SMC6: variants seen among roughly 807,000 people sequenced by gnomAD.
SMC6 encodes structural maintenance of chromosomes protein 6.
SMC6 carries 79 observed loss-of-function variants against 142.2 expected under a neutral mutation model. That is an observed-to-expected ratio of 0.56 (90% CI 0.46 to 0.67). The LOEUF is 0.67. Ranked by LOEUF, SMC6 falls within the 30% of genes least tolerant of loss-of-function variation. SMC6 has a pLI of 0.00. For missense variants in SMC6, 1,072 were observed against 1,284.0 expected (o/e 0.83, Z 2.52); for synonymous variants, 411 against 412.4 (o/e 1.00, Z 0.04).
chr2:17,698,667 T>C lies in SMC6; in HGVS notation c.2394+1541A>G, dbSNP rs116183355. Among the ~76,000 whole-genome samples the C allele has an allele frequency of 7.2e-3, 1,093 of 152,230 alleles. 10 individuals are homozygous for C. Among genetic ancestry groups the C allele is most frequent in the South Asian group, 0.025 (121 of 4,826 alleles). On this transcript the variant is annotated intron_variant, in intron 21 of 27. Coordinates refer to ENST00000448223, the MANE Select transcript of SMC6 (RefSeq NM_001142286.2). The stretch of plus-strand genomic sequence containing the variant: ...CATATAGTCATGTTTTAATCTACTC[T>C]GTCCATATCTGTCTTTTGTTTATTT...
At chr2:17,738,090 A>G (rs1433389880) in intron 5 of SMC6, 131 bp downstream of exon 5, 2 of 629,198 alleles carry the variant, frequency 3.2e-6, no homozygotes, top group Non-Finnish European at 5.4e-6. Context: ...AAGGAATGAA[A>G]AAATAGGACA....
intron 26 of SMC6, among the ~76,000 whole-genome samples, chr2:17,667,454 A>G (rs1666550704): frequency 6.6e-6 from 1 of 152,252 alleles, no homozygotes; most frequent in African/African-American, 2.4e-5. Flanking sequence ...TGAGTTAAGT[A>G]ACAGTAAAAG....
In SMC6 at chr2:17,703,147, A is replaced by ATTTTT. The variant is rs750722877; in HGVS notation, c.2142+5_2142+9dup. ...AAACAAAAGAAGGTTTATTATTATTATTTTTTTACCTTTAGTTCTTTATAA... is the reference window on the plus strand; with the variant it reads ...AAACAAAAGAAGGTTTATTATTATTATTTTTTTTTTTTACCTTTAGTTCTTTATAA... On this transcript the variant is annotated intron_variant, in intron 19 of 27. Coordinates refer to ENST00000448223, the MANE Select transcript of SMC6 (RefSeq NM_001142286.2). 1 of 1,335,472 alleles carries ATTTTT rather than the reference A, an allele frequency of 7.5e-7. No individual in the cohort carries two copies. The highest frequency in any genetic ancestry group is 1.0e-6 in the Non-Finnish European group (1 of 972,490). The allele number at this position is 1,335,472 out of a possible 1,614,324, so 82.7% of individuals were successfully genotyped here.
chr2:17,741,747 T>C lies in SMC6; in HGVS notation c.121-18A>G, dbSNP rs1670481762. ...GCTGCAGTCTATTAATAAAAAACAATGGGAGAAAATGGTCAATCTAATTCA... is the reference window on the plus strand; with the variant it reads ...GCTGCAGTCTATTAATAAAAAACAACGGGAGAAAATGGTCAATCTAATTCA... On this transcript the variant is annotated intron_variant, in intron 3 of 27. Coordinates refer to ENST00000448223, the MANE Select transcript of SMC6 (RefSeq NM_001142286.2). 4.0e-6 allele frequency: 6 copies of C among 1,500,212 alleles called. No individual in the cohort carries two copies. The African/African-American group carries it at 4.1e-5, about 10-fold the overall frequency. The allele number at this position is 1,500,212 out of a possible 1,614,324, so 92.9% of individuals were successfully genotyped here.
At position 17,710,943 on chromosome 2, in the gene SMC6, C is replaced by T. The variant is rs565952565; in HGVS notation, c.1731-2190G>A. 1.1e-4 allele frequency among the ~76,000 whole-genome samples: 16 copies of T among 152,022 alleles called. 1 individual carries two copies. Among genetic ancestry groups the T allele is most frequent in the Admixed American group, 3.9e-4 (6 of 15,272 alleles). On this transcript the variant is annotated intron_variant, in intron 16 of 27. Coordinates refer to ENST00000448223, the MANE Select transcript of SMC6 (RefSeq NM_001142286.2). ...GGACAGAGTTCAGGTGGAAAAAAAA[C>T]AAGGATAAGAAAGAATAGGGTATGG... is the stretch of plus-strand genomic sequence containing the variant.
chr2:17,706,603 G>T (rs1668523822), intron 18 of SMC6, among the ~76,000 whole-genome samples: 1 of 151,696 alleles, frequency 6.6e-6, no homozygotes, highest in Non-Finnish European at 1.5e-5. Context: ...CATTAATTCA[G>T]GCCCAAACCA....
intron 2 of SMC6, chr2:17,746,412 A>G (rs1355429336): frequency 1.3e-5 from 2 of 152,388 alleles, no homozygotes; most frequent in African/African-American, 4.8e-5. Context: ...TGTGGTTTCT[A>G]GTTTTCTAAA....
intron 23 of SMC6, among the ~76,000 whole-genome samples, chr2:17,687,146 T>C (rs771412073): frequency 3.3e-5 from 5 of 152,154 alleles, no homozygotes; most frequent in Non-Finnish European, 5.9e-5. Context: ...TTTGAAAATA[T>C]CTAACAAAAC....
chr2:17,678,500 G>A (rs993203628), intron 25 of SMC6, among the ~76,000 whole-genome samples: 1 of 151,970 alleles, frequency 6.6e-6, no homozygotes, highest in South Asian at 2.1e-4. Context: ...GGGCATGGTG[G>A]CTCACACCGA....
In SMC6 at chr2:17,701,839, A is replaced by G; in HGVS notation, c.2213T>C (p.Ile738Thr). The change falls in exon 20 of 28, where the codon ATT (isoleucine) becomes ACT (threonine). Residue 738 changes from isoleucine (I) to threonine (T), a missense_variant. By Grantham distance (89) the Ile-to-Thr change is moderately conservative (BLOSUM62 -1). Around this residue, in one of 3 missense-constraint regions of SMC6, gnomAD observed 994 missense variants for 1,153.2 expected, o/e 0.86. Coordinates refer to ENST00000448223, the MANE Select transcript of SMC6 (RefSeq NM_001142286.2). ...AAAAAAGTATTTTACCAAAGTTGCA[A>G]TATCTACAGACTGGTGTTCTTCTAT... ...ENIEEHQSVD[I>T]ATLEDEAQEN... 6.4e-7 allele frequency: 1 copy of G among 1,561,674 alleles called. No individual in the cohort carries two copies. The highest frequency in any genetic ancestry group is 8.7e-7 in the Non-Finnish European group (1 of 1,151,360).
chr2:17,735,616 AG>A (rs1233093915), intron 5 of SMC6, among the ~76,000 whole-genome samples: 2 of 152,188 alleles, frequency 1.3e-5, no homozygotes, highest in African/African-American at 4.8e-5. Flanking sequence ...AGGCCAAGGG[AG>A]GGAACAGTAA....
At chr2:17,736,361 T>A (rs1417982894) in intron 5 of SMC6, among the ~76,000 whole-genome samples, 1 of 152,220 alleles carries the variant, frequency 6.6e-6, no homozygotes, top group Non-Finnish European at 1.5e-5. Context: ...AGCTAGTCTT[T>A]TTTTATTAAA....
intron 23 of SMC6, among the ~76,000 whole-genome samples, chr2:17,688,610 G>T (rs746411272): frequency 3.9e-5 from 6 of 152,088 alleles, no homozygotes; most frequent in South Asian, 2.1e-4. Context: ...AATGACTATA[G>T]TCCATTGAGT....
chr2:17,726,515 T>C (rs1380164848), intron 7 of SMC6, 46 bp from the exon 8 acceptor site: 1 of 1,520,984 alleles, frequency 6.6e-7, no homozygotes, highest in Admixed American at 1.8e-5. Flanking sequence ...CTTTAATGCT[T>C]TAAAGATAGG....
intron 2 of SMC6, among the ~76,000 whole-genome samples, chr2:17,751,274 C>A (rs1483875040): frequency 1.3e-5 from 2 of 151,444 alleles, no homozygotes; most frequent in South Asian, 4.2e-4. Flanking sequence ...TGAGGTAAGG[C>A]GCTCAAGACC....
At chr2:17,667,781 C>T (rs1007865100) in intron 26 of SMC6, among the ~76,000 whole-genome samples, 6 of 152,080 alleles carry the variant, frequency 3.9e-5, no homozygotes, top group Non-Finnish European at 5.9e-5. Flanking sequence ...ATCCAGGAGG[C>T]GGAGGTCGCA....
chr2:17,741,217 T>C (rs1036784428), intron 4 of SMC6, among the ~76,000 whole-genome samples: 1 of 152,182 alleles, frequency 6.6e-6, no homozygotes, highest in African/African-American at 2.4e-5. Context: ...TCTTAAAGCA[T>C]TTATTGGCCA....
At chr2:17,676,810 T>A (rs768861836) in intron 25 of SMC6, among the ~76,000 whole-genome samples, 5 of 152,180 alleles carry the variant, frequency 3.3e-5, no homozygotes, top group Non-Finnish European at 5.9e-5. Flanking sequence ...TTGATGCTAA[T>A]ATAAATAGTA....
At position 17,716,915 on chromosome 2, in the gene SMC6, A is replaced by T; in HGVS notation, c.1182-10T>A. ...CAAAGATTGGTCAGTACTAACAGTAAATAACCCAAAGTGAAAAATGTTAGT... is the reference window on the plus strand; with the variant it reads ...CAAAGATTGGTCAGTACTAACAGTATATAACCCAAAGTGAAAAATGTTAGT... On this transcript the variant is annotated splice_polypyrimidine_tract_variant and intron_variant, in intron 13 of 27. Coordinates refer to ENST00000448223, the MANE Select transcript of SMC6 (RefSeq NM_001142286.2). 1 of 1,589,296 alleles carries T rather than the reference A, an allele frequency of 6.3e-7. No homozygotes were observed. The highest frequency in any genetic ancestry group is 8.5e-7 in the Non-Finnish European group (1 of 1,171,908).
Sources: allele counts gnomAD v4.1 joint callset (sites outside exome capture counted in the v4.1 genomes callset), GRCh38; gene constraint gnomAD v4.1.1; regional missense constraint gnomAD v4.1.1; transcripts MANE v1.5; gene names NCBI Gene and HGNC (gene_info 2026-07-23, HGNC 2026-07-21).